SLC25A21: variants seen among roughly 807,000 people sequenced by gnomAD.
SLC25A21 encodes the protein mitochondrial 2-oxodicarboxylate carrier.
In SLC25A21, 47 loss-of-function variants were observed where a neutral mutation model predicts 43.8. That is an observed-to-expected ratio of 1.07 (90% confidence interval 0.85 to 1.37). SLC25A21 has a LOEUF of 1.37. SLC25A21 is among the 40% of genes most tolerant of loss of function. The probability of loss-of-function intolerance (pLI) is 0.00; values close to 1 mark genes in which losing one functional copy is unlikely to be tolerated. For missense variants in SLC25A21, 352 were observed against 350.2 expected, an observed-to-expected ratio of 1.00 and a Z score of -0.04; for synonymous variants, 131 against 121.3, an observed-to-expected ratio of 1.08 and a Z score of -0.52.
At chr14:36,966,594 T>A (rs999670953) in intron 1 of SLC25A21, among the ~76,000 whole-genome samples, 1 of 152,192 alleles carries the variant, frequency 6.6e-6, no homozygotes, top group African/African-American at 2.4e-5. Flanking sequence ...TTTCCCTATC[T>A]ACACACTGTA....
chr14:36,764,192 G>GAAAGAA (rs141041432), intron 3 of SLC25A21, among the ~76,000 whole-genome samples: 4,744 of 54,986 alleles, frequency 0.086, 801 homozygotes, highest in East Asian at 0.18. Context: ...AAGAAAGAAA[G>GAAAGAA]AGAAAGAAAG....
intron 4 of SLC25A21, among the ~76,000 whole-genome samples, chr14:36,732,225 A>T (rs1884855005): frequency 6.8e-6 from 1 of 146,476 alleles, no homozygotes; most frequent in South Asian, 2.2e-4. Flanking sequence ...TCAACTGAAC[A>T]TCTAGTATGT....
intron 1 of SLC25A21, among the ~76,000 whole-genome samples, chr14:37,130,077 C>A (rs1323494905): frequency 6.9e-5 from 8 of 116,620 alleles, no homozygotes; most frequent in Admixed American, 5.1e-4. Context: ...ATAGTGAGAC[C>A]CTGTCTCTAC....
intron 1 of SLC25A21, among the ~76,000 whole-genome samples, chr14:36,921,326 A>T (rs1891975655): frequency 6.6e-6 from 1 of 152,288 alleles, no homozygotes; most frequent in South Asian, 2.1e-4. Flanking sequence ...GTTCATACAG[A>T]GTGCATATAT....
At chr14:37,095,518 GACAA>G (rs1038995194) in intron 1 of SLC25A21, among the ~76,000 whole-genome samples, 1 of 151,796 alleles carries the variant, frequency 6.6e-6, no homozygotes, top group Non-Finnish European at 1.5e-5. Flanking sequence ...ACTCCATCTC[GACAA>G]ACAAACAAAC....
At chr14:36,827,235 G>A (rs1279634575) in intron 2 of SLC25A21, among the ~76,000 whole-genome samples, 2 of 152,174 alleles carry the variant, frequency 1.3e-5, no homozygotes, top group Non-Finnish European at 2.9e-5. Flanking sequence ...GAAAATGTCT[G>A]TTGAAAAACC....
chr14:37,144,785 T>TA (rs1491361018), intron 1 of SLC25A21, among the ~76,000 whole-genome samples: 4 of 3,020 alleles, frequency 1.3e-3, no homozygotes, highest in Admixed American at 3.8e-3. Flanking sequence ...TTGTTTTGGG[T>TA]TTTTTTTTTT....
At chr14:37,039,658 C>A (rs1048903462) in intron 1 of SLC25A21, among the ~76,000 whole-genome samples, 3 of 152,134 alleles carry the variant, frequency 2.0e-5, no homozygotes, top group Admixed American at 2.0e-4. Context: ...ATTTATTGAG[C>A]CTCTTCTAAG....
At chr14:36,861,010 A>G (rs1341514400) in intron 2 of SLC25A21, among the ~76,000 whole-genome samples, 1 of 152,182 alleles carries the variant, frequency 6.6e-6, no homozygotes, top group Non-Finnish European at 1.5e-5. Context: ...TTATCCTGTA[A>G]GAACTTGGCC....
chr14:36,753,530 A>C (rs1885795647), intron 3 of SLC25A21, among the ~76,000 whole-genome samples: 1 of 150,926 alleles, frequency 6.6e-6, no homozygotes, highest in Admixed American at 6.6e-5. Context: ...TAAAGGGCAT[A>C]GAGAAGCCAT....
chr14:36,942,321 T>C (rs1016636250), intron 1 of SLC25A21, among the ~76,000 whole-genome samples: 1 of 152,324 alleles, frequency 6.6e-6, no homozygotes, highest in African/African-American at 2.4e-5. Context: ...ATGCCATACA[T>C]GCAAGGTACA....
intron 1 of SLC25A21, among the ~76,000 whole-genome samples, chr14:37,130,553 A>G (rs1411125802): frequency 1.3e-5 from 2 of 152,242 alleles, no homozygotes; most frequent in Admixed American, 6.5e-5. Context: ...AGGAAAAACA[A>G]TAAAGTGCAT....
chr14:36,914,022 T>A (rs1041618221), intron 1 of SLC25A21, among the ~76,000 whole-genome samples: 1 of 152,214 alleles, frequency 6.6e-6, no homozygotes, highest in Non-Finnish European at 1.5e-5. Context: ...TATATAAGAA[T>A]TTCCCTTAAC....
At chr14:36,970,217 G>A (rs921454983) in intron 1 of SLC25A21, among the ~76,000 whole-genome samples, 2 of 152,160 alleles carry the variant, frequency 1.3e-5, no homozygotes, top group African/African-American at 4.8e-5. Context: ...GTGACCATCA[G>A]TTGAACAAAG....
chr14:36,710,406 G>A (rs1395683036), intron 7 of SLC25A21, among the ~76,000 whole-genome samples: 23 of 151,286 alleles, frequency 1.5e-4, no homozygotes, highest in Non-Finnish European at 1.5e-5. Flanking sequence ...AGAAAAAAAA[G>A]GAAACGGGGA....
chr14:36,953,407 T>C (rs572519779), intron 1 of SLC25A21, among the ~76,000 whole-genome samples: 56 of 152,250 alleles, frequency 3.7e-4, no homozygotes, highest in Admixed American at 5.9e-4. Flanking sequence ...GTCATATAGA[T>C]AGCATATATA....
rs776763789 is a variant in SLC25A21 at position 36,945,127 on chromosome 14, TAAG to T, written c.71-70126_71-70124del. ...AGTTCTTCAGGACTACCTGTGAGGATAAGAAGAAGTGGTTACCCAGTCCATCAG... is the reference window on the plus strand; with the variant it reads ...AGTTCTTCAGGACTACCTGTGAGGATAAGAAGTGGTTACCCAGTCCATCAG... On this transcript the variant is annotated intron_variant, in intron 1 of 9. Coordinates refer to ENST00000331299, the MANE Select transcript of SLC25A21 (RefSeq NM_030631.4). Among the ~76,000 whole-genome samples the T allele has an allele frequency of 1.1e-4, 17 of 152,278 alleles. No homozygotes were observed. The East Asian group carries it at 1.4e-3, about 12-fold the overall frequency.
chr14:36,875,123 G>T, intron 1 of SLC25A21, 119 bp from the exon 2 acceptor site: 3 of 656,936 alleles, frequency 4.6e-6, no homozygotes, highest in African/African-American at 1.8e-5. Flanking sequence ...CTTCGGATAT[G>T]ACAGCTAATA....
At chr14:36,803,516 T>TA (rs200434911) in intron 3 of SLC25A21, among the ~76,000 whole-genome samples, 84 of 152,242 alleles carry the variant, frequency 5.5e-4, no homozygotes, top group East Asian at 2.1e-3. Flanking sequence ...AGGTTTTATG[T>TA]AAAAAAAATT....
Sources: gnomAD v4.1 joint callset for allele counts (sites outside exome capture counted in the v4.1 genomes callset) on GRCh38, gnomAD v4.1.1 for gene constraint, MANE v1.5 for transcripts, NCBI Gene and HGNC (gene_info 2026-07-23, HGNC 2026-07-21) for gene names.